NEBL: variants seen among roughly 807,000 people sequenced by gnomAD.
NEBL encodes LIM and SH3 protein 2.
NEBL carries 122 observed loss-of-function variants against 140.2 expected under a neutral mutation model. The observed-to-expected ratio is 0.87, with a 90% confidence interval of 0.75 to 1.01. The LOEUF (loss-of-function observed/expected upper bound fraction) is 1.01. Among genes scored for constraint, NEBL ranks in the 50% least tolerant of loss-of-function variants. The pLI, the probability that NEBL is intolerant of heterozygous loss-of-function variation, is 0.00. For synonymous variants in NEBL, 436 were observed against 398.9 expected, an observed-to-expected ratio of 1.09 and a Z score of -1.11; for missense variants, 1,365 against 1,231.3, an observed-to-expected ratio of 1.11 and a Z score of -1.62.
chr10:21,010,298 G>A (rs1838285950), intron 3 of NEBL, among the ~76,000 whole-genome samples: 1 of 152,160 alleles, frequency 6.6e-6, no homozygotes. Context: ...AGGCTGGAGT[G>A]CAGTGGCACA....
At chr10:20,831,130 C>T in intron 16 of NEBL, 66 bp downstream of exon 16, 1 of 1,088,766 alleles carries the variant, frequency 9.2e-7, no homozygotes, top group East Asian at 2.4e-5. Context: ...TTCATAGAGA[C>T]ATACAAAGCA....
rs769829088 is a variant in NEBL, at chr10:20,961,791, G to A, written c.250-12C>T. On this transcript the variant is annotated splice_polypyrimidine_tract_variant and intron_variant, in intron 3 of 6. Transcript: ENST00000417816. ...CTTTTGTACTTGACCTAACAAGAAG[G>A]GGGAAAAGAAAAGTGAACAGAGGGA... 19 of 1,600,180 alleles carry A rather than the reference G, an allele frequency of 1.2e-5. No individual in the cohort carries two copies. The African/African-American group carries it at 2.5e-4, about 21-fold the overall frequency.
intron 26 of NEBL, among the ~76,000 whole-genome samples, chr10:20,806,289 T>C (rs928319770): frequency 5.3e-5 from 8 of 152,192 alleles, no homozygotes; most frequent in African/African-American, 1.9e-4. Context: ...CTACACAGAT[T>C]CATTTAGGAC....
At chr10:20,850,296 A>G in intron 11 of NEBL, 99 bp downstream of exon 11, 1 of 966,180 alleles carries the variant, frequency 1.0e-6, no homozygotes, top group Non-Finnish European at 1.7e-6. Flanking sequence ...TGCCCACAGC[A>G]GCACTCTTCC....
intron 2 of NEBL, chr10:21,029,689 G>A: frequency 9.4e-7 from 1 of 1,064,840 alleles, no homozygotes. Flanking sequence ...TTATGATTCA[G>A]ACCAGTCTGG....
At chr10:20,963,864 T>C (rs1439415717) in intron 3 of NEBL, among the ~76,000 whole-genome samples, 2 of 152,216 alleles carry the variant, frequency 1.3e-5, no homozygotes, top group African/African-American at 4.8e-5. Context: ...CTATTTCTTT[T>C]GAATGGTGTG....
chr10:21,180,912 G>A (rs538116295), intron 3 of NEBL, among the ~76,000 whole-genome samples: 1 of 152,200 alleles, frequency 6.6e-6, no homozygotes, highest in Non-Finnish European at 1.5e-5. Flanking sequence ...TGGTAGATTA[G>A]AAAATCATTA....
chr10:20,941,458 C>A (rs1026293075), intron 4 of NEBL, among the ~76,000 whole-genome samples: 2 of 152,186 alleles, frequency 1.3e-5, no homozygotes, highest in African/African-American at 2.4e-5. Flanking sequence ...CTATCTATGA[C>A]AAACCCACAG....
At chr10:20,955,231 T>C (rs1193244517) in intron 4 of NEBL, among the ~76,000 whole-genome samples, 1 of 152,192 alleles carries the variant, frequency 6.6e-6, no homozygotes, top group African/African-American at 2.4e-5. Flanking sequence ...GAGACATGGA[T>C]GATCTTCACC....
chr10:20,968,645 C>A (rs1165376688), intron 3 of NEBL, among the ~76,000 whole-genome samples: 2 of 152,176 alleles, frequency 1.3e-5, no homozygotes, highest in Non-Finnish European at 2.9e-5. Context: ...AGGAGGAGAA[C>A]AGTATTTGCT....
At chr10:21,131,768 A>G (rs1839120424) in intron 2 of NEBL, among the ~76,000 whole-genome samples, 3 of 152,140 alleles carry the variant, frequency 2.0e-5, no homozygotes, top group South Asian at 2.1e-4. Flanking sequence ...AGTTTGGGAA[A>G]AGGAATAAGG....
intron 3 of NEBL, among the ~76,000 whole-genome samples, chr10:21,213,076 C>T (rs937296815): frequency 6.6e-6 from 1 of 151,916 alleles, no homozygotes; most frequent in Non-Finnish European, 1.5e-5. Context: ...TGGAATTTAG[C>T]CATGTCTCAT....
At chr10:21,284,208 T>A (rs1160436928) in intron 1 of NEBL, among the ~76,000 whole-genome samples, 13 of 38,938 alleles carry the variant, frequency 3.3e-4, no homozygotes, top group Non-Finnish European at 4.8e-4. Flanking sequence ...AGACTCCGTC[T>A]CCAAAAAAAA....
At chr10:21,137,298 A>T (rs902408065) in intron 2 of NEBL, among the ~76,000 whole-genome samples, 1 of 152,260 alleles carries the variant, frequency 6.6e-6, no homozygotes, top group African/African-American at 2.4e-5. Context: ...GCATTATAAG[A>T]GTCTGTATAT....
rs558587539 is a variant in NEBL, at chr10:21,004,435, C to T, written c.249+15682G>A. Among the ~76,000 whole-genome samples, 4 of 152,190 alleles carry T rather than the reference C, an allele frequency of 2.6e-5. No individual in the cohort carries two copies. The East Asian group carries it at 7.7e-4, about 29-fold the overall frequency. On this transcript the variant is annotated intron_variant, in intron 3 of 6. Transcript: ENST00000417816. ...TATTAACAAGCGTAAATAAGAATCA[C>T]CTGGGCCGGGCACGGTGGCTCACGC...
intron 2 of NEBL, among the ~76,000 whole-genome samples, chr10:21,034,167 G>GAAAA (rs964552949): frequency 1.2e-4 from 4 of 33,490 alleles, no homozygotes; most frequent in Non-Finnish European, 1.4e-4. Context: ...ACCCTATCTC[G>GAAAA]AAAAAAAAAA....
At chr10:21,210,820 C>G (rs1841903328) in intron 3 of NEBL, among the ~76,000 whole-genome samples, 1 of 152,190 alleles carries the variant, frequency 6.6e-6, no homozygotes, top group Non-Finnish European at 1.5e-5. Flanking sequence ...CTGTCATTAT[C>G]TTCCAACTCA....
Position 20,880,870 on chromosome 10 carries a change from C to G in NEBL, c.404G>C (p.Gly135Ala). The G allele has an allele frequency of 6.2e-7, 1 of 1,614,098 alleles. No homozygotes were observed. Among genetic ancestry groups the G allele is most frequent in the Non-Finnish European group, 8.5e-7 (1 of 1,180,020 alleles). Residue 135 changes from glycine to alanine, a missense_variant, in exon 5 of 28, where the codon GGA becomes GCA. Gly to Ala is a moderately conservative substitution (Grantham distance 60). Coordinates refer to ENST00000377122, the MANE Select transcript of NEBL (RefSeq NM_006393.3). ...AYKQKHDAAK[G>A]FSDYAHMKEP... is the part of the protein sequence containing the mutation. Reference sequence around the variant, plus strand: ...CTTCATGTGGGCATAATCTGAGAATCCTTTGGCAGCATCATGTTTCTGCTT... The same window carrying G: ...CTTCATGTGGGCATAATCTGAGAATGCTTTGGCAGCATCATGTTTCTGCTT...
chr10:21,223,167 A>G (rs1842097904), intron 3 of NEBL, among the ~76,000 whole-genome samples: 1 of 152,098 alleles, frequency 6.6e-6, no homozygotes, highest in Non-Finnish European at 1.5e-5. Context: ...ATATTTTTGC[A>G]CTCATTAATC....
Sources: gnomAD v4.1 joint callset for allele counts (sites outside exome capture counted in the v4.1 genomes callset) on GRCh38, gnomAD v4.1.1 for gene constraint, MANE v1.5 for transcripts, NCBI Gene and HGNC (gene_info 2026-07-23, HGNC 2026-07-21) for gene names.